Variants in PCDHGB3 observed in about 807,000 individuals in gnomAD.
PCDHGB3 encodes the protein protocadherin gamma-B3.
A neutral mutation model predicts 59.2 loss-of-function variants in PCDHGB3; 40 were observed. That is an observed-to-expected ratio of 0.68 (90% confidence interval 0.52 to 0.88). The LOEUF is 0.88. Ranked by LOEUF, PCDHGB3 falls within the 40% of genes least tolerant of loss-of-function variation. PCDHGB3 has a pLI of 0.00. For missense variants in PCDHGB3, 1,309 were observed against 1,187.9 expected (o/e 1.10, Z -1.50); for synonymous variants, 581 against 503.6 (o/e 1.15, Z -2.06).
chr5:141,476,038 G>A lies in PCDHGB3; in HGVS notation c.2416-18769G>A, dbSNP rs1426234941. 1.3e-6 allele frequency: 2 copies of A among 1,484,842 alleles called. No homozygotes were observed. Among genetic ancestry groups the A allele is most frequent in the Non-Finnish European group, 1.8e-6 (2 of 1,118,086 alleles). 92.0% of individuals were successfully genotyped at this position (1,484,842 alleles called of 1,614,324 possible). The stretch of plus-strand genomic sequence containing the variant: ...GTCGGACTCGGCGCCCAGCGCCCAA[G>A]CGCTAACCCGCTGAAAGTTTCTCAG... On this transcript the variant is annotated intron_variant, in intron 1 of 3. Coordinates refer to ENST00000576222, the MANE Select transcript of PCDHGB3 (RefSeq NM_018924.5). The surrounding 1 kb of genome is among the most constrained non-coding windows in gnomAD (Gnocchi z 7.6).
intron 1 of PCDHGB3, chr5:141,388,988 A>G (rs756635794): frequency 6.2e-7 from 1 of 1,614,076 alleles, no homozygotes; most frequent in Non-Finnish European, 8.5e-7. Flanking sequence ...CTTTGCTCAA[A>G]GTCCGTGACA....
At chr5:141,503,607 A>G (rs141670522) in intron 2 of PCDHGB3, among the ~76,000 whole-genome samples, 63 of 151,996 alleles carry the variant, frequency 4.1e-4, no homozygotes, top group African/African-American at 1.4e-3. Flanking sequence ...TCAAAAAAAA[A>G]AAAAAAAGAA....
intron 1 of PCDHGB3, among the ~76,000 whole-genome samples, chr5:141,373,222 G>C (rs899880588): frequency 6.6e-6 from 1 of 152,116 alleles, no homozygotes; most frequent in African/African-American, 2.4e-5. Context: ...AATGTAACCT[G>C]TATATAATAT....
intron 1 of PCDHGB3, among the ~76,000 whole-genome samples, chr5:141,450,782 C>G (rs1012152203): frequency 6.6e-6 from 1 of 151,236 alleles, no homozygotes; most frequent in Non-Finnish European, 1.5e-5. Context: ...CCACCGTGCC[C>G]GGACCTCATG....
intron 1 of PCDHGB3, chr5:141,385,373 T>A (rs754384717): frequency 6.5e-7 from 1 of 1,529,238 alleles, no homozygotes; most frequent in African/African-American, 1.4e-5. Context: ...TTGCATGATA[T>A]TTCTCTATTA....
Position 141,476,889 on chromosome 5 carries a change from C to T in PCDHGB3, c.2416-17918C>T. ...CGGGCGCGCGTCCTGGAGGATGCAC[C>T]CTCCGGCACGCGCGTGGTACAAGTC... is the stretch of plus-strand genomic sequence containing the variant. On this transcript the variant is annotated intron_variant, in intron 1 of 3. Transcript: ENST00000576222. This position sits in a 1 kb window ranked among gnomAD's most constrained non-coding sequence, Gnocchi z 7.6. 6.2e-7 allele frequency: 1 copy of T among 1,613,960 alleles called. No individual in the cohort carries two copies. The highest frequency in any genetic ancestry group is 8.5e-7 in the Non-Finnish European group (1 of 1,180,034).
chr5:141,477,779 A>C lies in PCDHGB3; in HGVS notation c.2416-17028A>C. ...CCTAGCCACCAACATCAGCGTGAAC[A>C]TATTTGTCACTGATCGCAATGACAA... is the stretch of plus-strand genomic sequence containing the variant. On this transcript the variant is annotated intron_variant, in intron 1 of 3. Transcript: ENST00000576222. The surrounding 1 kb of genome is among the most constrained non-coding windows in gnomAD (Gnocchi z 4.9). 1.2e-6 allele frequency: 2 copies of C among 1,614,012 alleles called. No individual in the cohort carries two copies. Among genetic ancestry groups the C allele is most frequent in the Non-Finnish European group, 1.7e-6 (2 of 1,180,020 alleles).
chr5:141,479,324 C>G (rs2099492748), intron 1 of PCDHGB3: 1 of 152,556 alleles, frequency 6.6e-6, no homozygotes, highest in Admixed American at 6.5e-5. Context: ...TAGCCAGACT[C>G]AGTGGTGTGC....
intron 1 of PCDHGB3, chr5:141,394,262 G>A: frequency 6.2e-7 from 1 of 1,613,952 alleles, no homozygotes; most frequent in Non-Finnish European, 8.5e-7. Flanking sequence ...ACAGCCAGGA[G>A]AATGCCCAGG....
chr5:141,389,837 A>C, intron 1 of PCDHGB3: 2 of 1,613,842 alleles, frequency 1.2e-6, no homozygotes, highest in South Asian at 2.2e-5. Context: ...GACAGCCACC[A>C]CTCTCGGCCA....
chr5:141,421,429 G>A, intron 1 of PCDHGB3: 1 of 1,614,090 alleles, frequency 6.2e-7, no homozygotes, highest in Non-Finnish European at 8.5e-7. Context: ...AGTCCGCATC[G>A]TCTCCAGAGG....
chr5:141,471,208 C>G (rs559571022), intron 1 of PCDHGB3: 1 of 151,664 alleles, frequency 6.6e-6, no homozygotes, highest in Non-Finnish European at 1.5e-5. Context: ...CACCCCCATG[C>G]CTGGCAATTT....
chr5:141,481,871 G>A (rs372191396), intron 1 of PCDHGB3, among the ~76,000 whole-genome samples: 73 of 144,864 alleles, frequency 5.0e-4, no homozygotes, highest in Non-Finnish European at 9.7e-4. Context: ...CCGAGATCGC[G>A]CCACTGCACT....
At position 141,476,675 on chromosome 5, in the gene PCDHGB3, C is replaced by T. The variant is rs2099395961; in HGVS notation, c.2416-18132C>T. On this transcript the variant is annotated intron_variant, in intron 1 of 3. Transcript: ENST00000576222. The surrounding 1 kb of genome is among the most constrained non-coding windows in gnomAD (Gnocchi z 7.6). ...ATACTTTGCGCTTCGCGTGCAGACG[C>T]GGGAGGACAGCACCAAGTACGCGGA... 1.2e-6 allele frequency: 2 copies of T among 1,614,124 alleles called. No homozygotes were observed. The highest frequency in any genetic ancestry group is 8.5e-7 in the Non-Finnish European group (1 of 1,180,062).
chr5:141,489,900 A>G lies in PCDHGB3; in HGVS notation c.2416-4907A>G, dbSNP rs963522810. The stretch of plus-strand genomic sequence containing the variant: ...TTACTGCTGTGGATGGGGGGACCCC[A>G]GCCCGCTCAGGGACCACCCTTATCT... On this transcript the variant is annotated intron_variant, in intron 1 of 3. Transcript: ENST00000576222. The surrounding 1 kb of genome is among the most constrained non-coding windows in gnomAD (Gnocchi z 4.5). The G allele has an allele frequency of 1.9e-6, 3 of 1,614,254 alleles. No homozygotes were observed. The highest frequency in any genetic ancestry group is 1.7e-5 in the Admixed American group (1 of 60,026).
At chr5:141,408,479 G>A in intron 1 of PCDHGB3, 1 of 1,614,074 alleles carries the variant, frequency 6.2e-7, no homozygotes, top group Non-Finnish European at 8.5e-7. Flanking sequence ...AATAGACCGT[G>A]AGCAAATATG....
At position 141,476,161 on chromosome 5, in the gene PCDHGB3, G is replaced by A. The variant is rs748660112; in HGVS notation, c.2416-18646G>A. 21 of 1,613,012 alleles carry A rather than the reference G, an allele frequency of 1.3e-5. No homozygotes were observed. Among genetic ancestry groups the A allele is most frequent in the Non-Finnish European group, 1.8e-5 (21 of 1,179,922 alleles). On this transcript the variant is annotated intron_variant, in intron 1 of 3. Transcript: ENST00000576222. The surrounding 1 kb of genome is among the most constrained non-coding windows in gnomAD (Gnocchi z 7.6). ...GGAGCGGACTGGTAAGCACCGGGAG[G>A]GTAGTGGGAGTTTTGCTTCTGCTTG... is the stretch of plus-strand genomic sequence containing the variant.
At chr5:141,498,231 A>T (rs1213697084) in intron 2 of PCDHGB3, among the ~76,000 whole-genome samples, 1 of 152,268 alleles carries the variant, frequency 6.6e-6, no homozygotes, top group East Asian at 1.9e-4. Flanking sequence ...ATGGTCAGGC[A>T]TACCAGCTTC....
rs756915110 is a variant in PCDHGB3, at chr5:141,490,431, T to C, written c.2416-4376T>C. 6 of 1,614,036 alleles carry C rather than the reference T, an allele frequency of 3.7e-6. No individual in the cohort carries two copies. In the South Asian group the frequency reaches 6.6e-5, roughly 18 times the overall value. ...TCTCTCCGGACCTGCCATTTCAGATTAAGCCTTCTGAGAACCACTACTCGC... is the reference window on the plus strand; with the variant it reads ...TCTCTCCGGACCTGCCATTTCAGATCAAGCCTTCTGAGAACCACTACTCGC... On this transcript the variant is annotated intron_variant, in intron 1 of 3. Transcript: ENST00000576222. The surrounding 1 kb of genome is among the most constrained non-coding windows in gnomAD (Gnocchi z 5.4).
Sources: gnomAD v4.1 joint callset for allele counts (sites outside exome capture counted in the v4.1 genomes callset) on GRCh38, gnomAD v4.1.1 for gene constraint, Gnocchi (gnomAD v3.1) non-coding constraint, MANE v1.5 for transcripts, NCBI Gene and HGNC (gene_info 2026-07-23, HGNC 2026-07-21) for gene names.